Variants in PGM5 observed in about 807,000 individuals in gnomAD.
PGM5 encodes the protein phosphoglucomutase-like protein 5.
A neutral mutation model predicts 59.2 loss-of-function variants in PGM5; 23 were observed. The observed-to-expected ratio is 0.39, with a 90% CI of 0.28 to 0.55. The LOEUF (loss-of-function observed/expected upper bound fraction) is 0.55. Among genes scored for constraint, PGM5 ranks in the 20% least tolerant of loss-of-function variants. The pLI, the probability that PGM5 is intolerant of heterozygous loss-of-function variation, is 0.66. For synonymous variants in PGM5, 214 were observed against 286.0 expected, an observed-to-expected ratio of 0.75 and a Z score of 2.54; for missense variants, 574 against 748.3, an observed-to-expected ratio of 0.77 and a Z score of 2.72.
chr9:68,361,442 C>G (rs1348239832), intron 1 of PGM5, among the ~76,000 whole-genome samples: 1 of 152,208 alleles, frequency 6.6e-6, no homozygotes, highest in Non-Finnish European at 1.5e-5. Context: ...GAAGTTAGTT[C>G]TAAAGGCTTT....
chr9:68,529,488 C>G, intron 10 of PGM5, 79 bp from the exon 11 acceptor site: 1 of 975,368 alleles, frequency 1.0e-6, no homozygotes, highest in South Asian at 1.4e-5. Flanking sequence ...AGTCCAGATG[C>G]TTATGGTAGA....
At chr9:68,404,717 G>A (rs1310352398) in intron 6 of PGM5, among the ~76,000 whole-genome samples, 2 of 152,130 alleles carry the variant, frequency 1.3e-5, no homozygotes, top group African/African-American at 4.8e-5. Flanking sequence ...GATGGCATTG[G>A]TGGTTTATAT....
intron 1 of PGM5, among the ~76,000 whole-genome samples, chr9:68,358,235 C>T (rs1434844770): frequency 2.0e-5 from 3 of 152,224 alleles, no homozygotes; most frequent in African/African-American, 4.8e-5. Flanking sequence ...CTTCCCCTTT[C>T]GGTTTTCATC....
chr9:68,408,880 A>G (rs1297235954), intron 6 of PGM5, among the ~76,000 whole-genome samples: 4 of 152,088 alleles, frequency 2.6e-5, no homozygotes, highest in Non-Finnish European at 5.9e-5. Flanking sequence ...AAGATCAGAT[A>G]GTTGTAGACA....
At chr9:68,376,846 TCTTTCTC>T (rs1821922875) in intron 1 of PGM5, among the ~76,000 whole-genome samples, 3 of 145,888 alleles carry the variant, frequency 2.1e-5, no homozygotes, top group African/African-American at 7.6e-5. Context: ...TTTCTTTCTT[TCTTTCTC>T]TTTCTTTCTT....
chr9:68,403,650 A>T (rs1325724558), intron 6 of PGM5, among the ~76,000 whole-genome samples: 3 of 152,200 alleles, frequency 2.0e-5, no homozygotes, highest in African/African-American at 7.2e-5. Flanking sequence ...ACACAGAATA[A>T]ATTAGTCAAT....
At chr9:68,368,759 C>T (rs1587771376) in intron 1 of PGM5, among the ~76,000 whole-genome samples, 2 of 152,290 alleles carry the variant, frequency 1.3e-5, no homozygotes, top group Middle Eastern at 6.8e-3. Flanking sequence ...CCTCCCACCT[C>T]AGCTTCCCAA....
At chr9:68,497,798 AT>A (rs1420927111) in intron 9 of PGM5, 1 of 151,900 alleles carries the variant, frequency 6.6e-6, no homozygotes, top group Non-Finnish European at 1.5e-5. Flanking sequence ...CCCTGCCAAT[AT>A]GCTTATTTAC....
chr9:68,518,078 C>G (rs1053521622), intron 10 of PGM5, among the ~76,000 whole-genome samples: 1 of 152,202 alleles, frequency 6.6e-6, no homozygotes, highest in Non-Finnish European at 1.5e-5. Flanking sequence ...ACCAAAGAGG[C>G]AGCAAAGAGG....
At chr9:68,430,650 A>G (rs1823329387) in intron 6 of PGM5, among the ~76,000 whole-genome samples, 1 of 152,218 alleles carries the variant, frequency 6.6e-6, no homozygotes, top group Non-Finnish European at 1.5e-5. Flanking sequence ...GGAGGCTTGC[A>G]GCCATTTTTT....
At chr9:68,361,270 A>T (rs1834573863) in intron 1 of PGM5, among the ~76,000 whole-genome samples, 1 of 152,174 alleles carries the variant, frequency 6.6e-6, no homozygotes, top group Non-Finnish European at 1.5e-5. Context: ...GACTTTTTTT[A>T]ACCTGGAAAA....
intron 6 of PGM5, among the ~76,000 whole-genome samples, chr9:68,439,423 T>A (rs1237843815): frequency 6.8e-6 from 1 of 146,358 alleles, no homozygotes; most frequent in Non-Finnish European, 1.5e-5. Flanking sequence ...ATATATATAA[T>A]ATAATATATA....
rs114359396 is a variant in PGM5, at chr9:68,446,059, A to C, written c.1044-19034A>C. 9.1e-3 allele frequency among the ~76,000 whole-genome samples: 1,391 copies of C among 152,332 alleles called. 16 individuals carry two copies. The highest frequency in any genetic ancestry group is 0.032 in the African/African-American group (1,350 of 41,568). On this transcript the variant is annotated intron_variant, in intron 6 of 10. Coordinates refer to ENST00000396396, the MANE Select transcript of PGM5 (RefSeq NM_021965.4). ...ATTAAAATGTAGCATGGATGCCAAG[A>C]GTTCCTTGGCTTTTTGAGGCAAGAT...
At chr9:68,526,331 G>A (rs2132122395) in intron 10 of PGM5, among the ~76,000 whole-genome samples, 1 of 152,294 alleles carries the variant, frequency 6.6e-6, no homozygotes, top group East Asian at 1.9e-4. Context: ...GGCTCAGGAT[G>A]GGAGTCCTCA....
chr9:68,460,319 G>A (rs1331995415), intron 6 of PGM5, among the ~76,000 whole-genome samples: 1 of 152,212 alleles, frequency 6.6e-6, no homozygotes, highest in African/African-American at 2.4e-5. Flanking sequence ...GGACACTGGA[G>A]GTGCAAAGGT....
chr9:68,498,697 C>G (rs1824520458), intron 9 of PGM5: 1 of 153,228 alleles, frequency 6.5e-6, no homozygotes, highest in African/African-American at 2.4e-5. Flanking sequence ...TGGCAGTGTA[C>G]TTGGCTACCC....
At chr9:68,386,974 A>G (rs1385441545) in intron 3 of PGM5, among the ~76,000 whole-genome samples, 2 of 151,862 alleles carry the variant, frequency 1.3e-5, no homozygotes, top group Non-Finnish European at 1.5e-5. Context: ...CTGCACTCGA[A>G]TCTGGTAGGC....
chr9:68,494,484 A>C (rs1484766782), intron 9 of PGM5, among the ~76,000 whole-genome samples: 1 of 152,224 alleles, frequency 6.6e-6, no homozygotes, highest in Non-Finnish European at 1.5e-5. Context: ...AGGTTATTGC[A>C]ATTAGTTACT....
intron 1 of PGM5, among the ~76,000 whole-genome samples, chr9:68,367,556 G>A (rs1210312284): frequency 6.6e-6 from 1 of 152,222 alleles, no homozygotes; most frequent in Non-Finnish European, 1.5e-5. Context: ...CCTGCTGAAT[G>A]TTTGGTTAGG....
Sources: allele counts gnomAD v4.1 joint callset (sites outside exome capture counted in the v4.1 genomes callset), GRCh38; gene constraint gnomAD v4.1.1; transcripts MANE v1.5; gene names NCBI Gene and HGNC (gene_info 2026-07-23, HGNC 2026-07-21).